EEA1: variants seen among roughly 807,000 people sequenced by gnomAD.
EEA1 encodes early endosome antigen 1, 162kD.
EEA1 carries 111 observed loss-of-function variants against 209.2 expected under a neutral mutation model. That is an observed-to-expected ratio of 0.53 (90% confidence interval 0.45 to 0.62). The LOEUF (loss-of-function observed/expected upper bound fraction) is 0.62, where lower values mean the gene tolerates loss of function less well. Ranked by LOEUF, EEA1 falls within the 20% of genes least tolerant of loss-of-function variation. The probability of loss-of-function intolerance (pLI) is 0.00; values close to 1 mark genes in which losing one functional copy is unlikely to be tolerated. For synonymous variants in EEA1, 536 were observed against 540.6 expected, an observed-to-expected ratio of 0.99 and a Z score of 0.12; for missense variants, 1,343 against 1,530.8, an observed-to-expected ratio of 0.88 and a Z score of 2.05.
rs1474913017 is a variant in EEA1 at position 92,773,273 on chromosome 12, T to A, written c.*2738A>T. ...AGGTTAAAAAAAAGTGGCTTTAAAG[T>A]TCTCAAAACTATATAAAATAATCAT... On this transcript the variant is annotated 3_prime_UTR_variant, in exon 29 of 29. Coordinates refer to ENST00000322349, the MANE Select transcript of EEA1 (RefSeq NM_003566.4). 3 of 152,176 alleles carry A rather than the reference T, an allele frequency of 2.0e-5. No individual in the cohort carries two copies. The highest frequency in any genetic ancestry group is 4.8e-5 in the African/African-American group (2 of 41,416). 9.4% of individuals were successfully genotyped at this position (152,176 alleles called of 1,614,324 possible). A position where few individuals can be genotyped will look rare whatever the true frequency, so the allele number is the denominator to read the frequency against.
intron 13 of EEA1, among the ~76,000 whole-genome samples, chr12:92,823,031 C>A (rs555953020): frequency 1.1e-4 from 17 of 152,248 alleles, no homozygotes; most frequent in Admixed American, 3.9e-4. Flanking sequence ...ATTTTACCTC[C>A]TAAGTATTTC....
chr12:92,825,696 G>T (rs899841968), intron 13 of EEA1, among the ~76,000 whole-genome samples: 7 of 151,696 alleles, frequency 4.6e-5, no homozygotes, highest in African/African-American at 1.7e-4. Context: ...TCTACTGAAG[G>T]AAATACAAAA....
At chr12:92,868,599 T>C (rs1878501416) in intron 2 of EEA1, among the ~76,000 whole-genome samples, 1 of 152,322 alleles carries the variant, frequency 6.6e-6, no homozygotes, top group South Asian at 2.1e-4. Flanking sequence ...ACCAGATTAA[T>C]ACCCTGAAAT....
At chr12:92,784,747 T>C (rs1874053248) in intron 22 of EEA1, among the ~76,000 whole-genome samples, 1 of 152,212 alleles carries the variant, frequency 6.6e-6, no homozygotes, top group Admixed American at 6.5e-5. Context: ...AAATGTTCTT[T>C]TCATCTTTCT....
At chr12:92,845,231 G>A (rs1877341383) in intron 9 of EEA1, among the ~76,000 whole-genome samples, 1 of 152,026 alleles carries the variant, frequency 6.6e-6, no homozygotes, top group Non-Finnish European at 1.5e-5. Context: ...GAAAGATTTG[G>A]GAAGACTTAT....
chr12:92,804,621 G>T (rs1005681215), intron 18 of EEA1, among the ~76,000 whole-genome samples: 4 of 146,446 alleles, frequency 2.7e-5, no homozygotes, highest in Non-Finnish European at 6.0e-5. Flanking sequence ...ACCTAGGAAA[G>T]CCTCAATATT....
chr12:92,858,234 G>T, intron 3 of EEA1: 1 of 720,596 alleles, frequency 1.4e-6, no homozygotes. Flanking sequence ...AAATCCTGAT[G>T]CCAAAGTAGC....
In EEA1 at chr12:92,921,803, G is replaced by T. The variant is rs190554345; in HGVS notation, c.24+7240C>A. The stretch of plus-strand genomic sequence containing the variant: ...GAATCGCTTGAATCCAGGAGGCAGA[G>T]GTTGCAGTGAGCCGAGATCACACCA... On this transcript the variant is annotated intron_variant, in intron 1 of 28. Coordinates refer to ENST00000322349, the MANE Select transcript of EEA1 (RefSeq NM_003566.4). Among the ~76,000 whole-genome samples the T allele has an allele frequency of 6.0e-3, 809 of 134,218 alleles. 15 individuals carry two copies. Among genetic ancestry groups the T allele is most frequent in the African/African-American group, 0.021 (741 of 35,496 alleles). 88.1% of individuals were successfully genotyped at this position (134,218 alleles called of 152,430 possible).
chr12:92,809,252 G>A, intron 17 of EEA1, 96 bp from the exon 18 acceptor site: 2 of 925,364 alleles, frequency 2.2e-6, no homozygotes, highest in Non-Finnish European at 2.9e-6. Context: ...TCAAACAGGT[G>A]TGACATACAA....
At chr12:92,793,532 T>C (rs922145362) in intron 21 of EEA1, among the ~76,000 whole-genome samples, 19 of 152,168 alleles carry the variant, frequency 1.2e-4, no homozygotes, top group African/African-American at 4.3e-4. Flanking sequence ...CCATTCACAA[T>C]TGCTACAAAG....
chr12:92,817,000 G>C (rs1434516459), intron 14 of EEA1, among the ~76,000 whole-genome samples: 1 of 150,818 alleles, frequency 6.6e-6, no homozygotes, highest in East Asian at 1.9e-4. Context: ...CCTTGCTTTT[G>C]AGTTCACCAA....
At chr12:92,824,625 T>C (rs545170739) in intron 13 of EEA1, among the ~76,000 whole-genome samples, 1 of 152,320 alleles carries the variant, frequency 6.6e-6, no homozygotes, top group East Asian at 1.9e-4. Flanking sequence ...TTCTTCTCTC[T>C]GAATCACAGG....
chr12:92,858,127 C>A (rs731799), intron 3 of EEA1: 367,658 of 564,632 alleles, frequency 0.65, 123,374 homozygotes, highest in East Asian at 0.95. Flanking sequence ...TTGAGAAGGG[C>A]ACATTCCTCT....
chr12:92,902,993 G>A (rs1313289703), intron 1 of EEA1, among the ~76,000 whole-genome samples: 2 of 149,508 alleles, frequency 1.3e-5, no homozygotes, highest in East Asian at 4.1e-4. Context: ...GGAGTGCAGC[G>A]GCGCGATCTT....
intron 9 of EEA1, among the ~76,000 whole-genome samples, chr12:92,849,316 C>T (rs939779101): frequency 3.9e-5 from 6 of 151,920 alleles, no homozygotes; most frequent in Non-Finnish European, 7.4e-5. Flanking sequence ...AAAAATAGTT[C>T]TTACTGATAC....
At chr12:92,787,788 C>T (rs1467812047) in intron 22 of EEA1, 79 bp downstream of exon 22, 1 of 1,123,756 alleles carries the variant, frequency 8.9e-7, no homozygotes. Flanking sequence ...TTTCCTTGCC[C>T]ATTTGGATTC....
intron 2 of EEA1, among the ~76,000 whole-genome samples, chr12:92,866,531 T>C (rs1878403364): frequency 6.7e-6 from 1 of 148,962 alleles, no homozygotes; most frequent in African/African-American, 2.5e-5. Context: ...CCTCTCTTGA[T>C]TCTATAAAAA....
At chr12:92,901,178 C>A (rs985378733) in intron 1 of EEA1, among the ~76,000 whole-genome samples, 4 of 152,092 alleles carry the variant, frequency 2.6e-5, no homozygotes, top group African/African-American at 9.7e-5. Context: ...CAAGGTTTTC[C>A]TTGACTGAGC....
intron 22 of EEA1, among the ~76,000 whole-genome samples, chr12:92,783,634 GAGA>G (rs561851160): frequency 1.9e-3 from 284 of 152,200 alleles, no homozygotes; most frequent in Admixed American, 5.1e-3. Context: ...CAAGTATTTT[GAGA>G]AGAAGAAGTT....
Sources: allele counts gnomAD v4.1 joint callset (sites outside exome capture counted in the v4.1 genomes callset), GRCh38; gene constraint gnomAD v4.1.1; transcripts MANE v1.5; gene names NCBI Gene and HGNC (gene_info 2026-07-23, HGNC 2026-07-21).